Variants in CCDC63 observed in about 807,000 individuals in gnomAD.
CCDC63 encodes the protein coiled-coil domain-containing protein 63.
In CCDC63, 54 loss-of-function variants were observed where a neutral mutation model predicts 63.6. The observed-to-expected ratio is 0.85, with a 90% CI of 0.68 to 1.07. The LOEUF (loss-of-function observed/expected upper bound fraction) is 1.07, where lower values mean the gene tolerates loss of function less well. Among genes scored for constraint, CCDC63 ranks in the 50% least tolerant of loss-of-function variants. CCDC63 has a pLI of 0.00. For missense variants in CCDC63, 637 were observed against 689.6 expected (o/e 0.92, Z 0.86); for synonymous variants, 253 against 266.1 (o/e 0.95, Z 0.48).
chr12:110,883,860 G>A (rs59118783), intron 7 of CCDC63, among the ~76,000 whole-genome samples, 170 bp from the exon 8 acceptor site: 2,514 of 152,134 alleles, frequency 0.017, 75 homozygotes, highest in African/African-American at 0.057. Context: ...GGCTGGTCTC[G>A]AACTCCTGAC....
intron 8 of CCDC63, among the ~76,000 whole-genome samples, chr12:110,892,873 G>A (rs2071374279): frequency 1.3e-5 from 2 of 151,322 alleles, no homozygotes; most frequent in South Asian, 4.2e-4. Context: ...CCCCTTTCAT[G>A]CTCTCACCCT....
At chr12:110,846,262 A>C (rs2070636170), upstream of CCDC63, among the ~76,000 whole-genome samples, 1 of 152,222 alleles carries the variant, frequency 6.6e-6, no homozygotes, top group Non-Finnish European at 1.5e-5. Context: ...AGGTACCCCC[A>C]ATAATTTTCC....
intron 8 of CCDC63, among the ~76,000 whole-genome samples, chr12:110,886,787 G>A (rs978216879): frequency 6.6e-6 from 1 of 152,150 alleles, no homozygotes; most frequent in Admixed American, 6.5e-5. Flanking sequence ...GCACCCGGGG[G>A]TGGGGAAGAC....
Position 110,852,876 on chromosome 12 carries a change from G to C in CCDC63, c.-79G>C, listed in dbSNP as rs2070722512. On this transcript the variant is annotated 5_prime_UTR_variant, in exon 2 of 12. Transcript: ENST00000308208. The stretch of plus-strand genomic sequence containing the variant: ...ATGAACAGGGCATTGCAGAGAGACA[G>C]AGAGAGAGAGGAAGGCTCACTGGCT... 1.3e-6 allele frequency: 2 copies of C among 1,494,076 alleles called. No individual in the cohort carries two copies. Among genetic ancestry groups the C allele is most frequent in the African/African-American group, 2.8e-5 (2 of 72,200 alleles). The allele number at this position is 1,494,076 out of a possible 1,614,324, so 92.6% of individuals were successfully genotyped here.
At chr12:110,853,365 T>TGGCCCACTACGGC in intron 2 of CCDC63, 40 bp from the exon 3 acceptor site, 2 of 1,584,032 alleles carry the variant, frequency 1.3e-6, no homozygotes, top group South Asian at 2.3e-5. Context: ...TCTAGCCACC[T>TGGCCCACTACGGC]GGCCCACTAC....
chr12:110,905,446 G>A (rs1196206323), intron 11 of CCDC63, among the ~76,000 whole-genome samples: 2 of 152,074 alleles, frequency 1.3e-5, no homozygotes, highest in Non-Finnish European at 2.9e-5. Context: ...CTGCTTTTTG[G>A]AGAGCAGTTT....
rs1009373591 is a variant in CCDC63 at position 110,857,833 on chromosome 12, A to C, written c.180-753A>C. Among the ~76,000 whole-genome samples, 4 of 152,234 alleles carry C rather than the reference A, an allele frequency of 2.6e-5. No individual in the cohort carries two copies. In the South Asian group the frequency reaches 8.3e-4, roughly 32 times the overall value. ...CTTGAAAAATCCTGCCTGGCCAGGCACGGTGGCTCATGTCTGTAATCTCAG... is the reference window on the plus strand; with the variant it reads ...CTTGAAAAATCCTGCCTGGCCAGGCCCGGTGGCTCATGTCTGTAATCTCAG... On this transcript the variant is annotated intron_variant, in intron 3 of 11. Coordinates refer to ENST00000308208, the MANE Select transcript of CCDC63 (RefSeq NM_152591.3).
chr12:110,877,767 G>A lies in CCDC63; in HGVS notation c.490-2139G>A, dbSNP rs561042068. 7.4e-5 allele frequency among the ~76,000 whole-genome samples: 11 copies of A among 148,428 alleles called. No homozygotes were observed. The South Asian group carries it at 8.5e-4, about 11-fold the overall frequency. ...GTCACCCAGGCTAGGGTGCAGTGGC[G>A]TAATCTCGGCTCACTTCAACCTCTG... On this transcript the variant is annotated intron_variant, in intron 5 of 11. Transcript: ENST00000308208.
At chr12:110,853,893 TTCTC>T (rs1183828404) in intron 3 of CCDC63, among the ~76,000 whole-genome samples, 2 of 152,142 alleles carry the variant, frequency 1.3e-5, no homozygotes, top group East Asian at 3.9e-4. Context: ...ATGACTTCTG[TTCTC>T]TCTCTCTCTG....
At chr12:110,892,527 C>T (rs1386626376) in intron 8 of CCDC63, among the ~76,000 whole-genome samples, 1 of 152,182 alleles carries the variant, frequency 6.6e-6, no homozygotes, top group Non-Finnish European at 1.5e-5. Context: ...TAGGACATTA[C>T]CATCAGAACA....
At position 110,870,116 on chromosome 12, in the gene CCDC63, C is replaced by T. The variant is rs528032536; in HGVS notation, c.370-3726C>T. ...TCTTTTTTTGAGATGGAGTTTTGCT[C>T]TTGTCGCCCAGGCTGGAGTGCAATG... On this transcript the variant is annotated intron_variant, in intron 4 of 11. Transcript: ENST00000308208. 7.9e-5 allele frequency among the ~76,000 whole-genome samples: 12 copies of T among 152,258 alleles called. 1 individual carries two copies. The highest frequency in any genetic ancestry group is 3.4e-3 in the Middle Eastern group (1 of 294).
At chr12:110,885,535 C>T (rs2071268593) in intron 8 of CCDC63, among the ~76,000 whole-genome samples, 1 of 152,204 alleles carries the variant, frequency 6.6e-6, no homozygotes, top group South Asian at 2.1e-4. Context: ...AGACACAGGT[C>T]CTGTTATGAC....
chr12:110,899,494 A>AT (rs982769796), intron 10 of CCDC63, among the ~76,000 whole-genome samples: 1 of 151,672 alleles, frequency 6.6e-6, no homozygotes, highest in African/African-American at 2.4e-5. Context: ...GATTTTTTGT[A>AT]TTTTTTGTAG....
chr12:110,903,812 C>A (rs1252925403), intron 10 of CCDC63, among the ~76,000 whole-genome samples: 1 of 150,052 alleles, frequency 6.7e-6, no homozygotes, highest in African/African-American at 2.5e-5. Context: ...GGCATTCTGG[C>A]AGAAGGAACA....
At chr12:110,893,644 C>A (rs1264276530) in intron 9 of CCDC63, among the ~76,000 whole-genome samples, 1 of 152,186 alleles carries the variant, frequency 6.6e-6, no homozygotes, top group Non-Finnish European at 1.5e-5. Flanking sequence ...CGTCGTTTTA[C>A]AGATGCAGAG....
chr12:110,873,875 A>G lies in CCDC63; in HGVS notation c.403A>G (p.Lys135Glu). The change falls in exon 5 of 12, where the codon AAA becomes GAA. Residue 135 changes from lysine to glutamate, a missense_variant. Lys to Glu is a moderately conservative substitution (Grantham distance 56, BLOSUM62 1). Transcript: ENST00000308208. ...LQMEKKIANQ[K>E]QIFAKMQEAN... Reference sequence around the variant, plus strand: ...GATGGAAAAAAAAATCGCAAACCAAAAACAGATTTTCGCAAAAATGCAGGA... The same window carrying G: ...GATGGAAAAAAAAATCGCAAACCAAGAACAGATTTTCGCAAAAATGCAGGA... 1 of 1,613,014 alleles carries G rather than the reference A, an allele frequency of 6.2e-7. No homozygotes were observed. Among genetic ancestry groups the G allele is most frequent in the Non-Finnish European group, 8.5e-7 (1 of 1,179,764 alleles).
At position 110,858,611 on chromosome 12, in the gene CCDC63, G is replaced by C; in HGVS notation, c.205G>C (p.Glu69Gln). 1 of 1,613,558 alleles carries C rather than the reference G, an allele frequency of 6.2e-7. No individual in the cohort carries two copies. Among genetic ancestry groups the C allele is most frequent in the Non-Finnish European group, 8.5e-7 (1 of 1,179,750 alleles). Residue 69 changes from glutamate to glutamine, a missense_variant, in exon 4 of 12, where the codon GAG becomes CAG. Physicochemically the swap from Glu to Gln is conservative, Grantham distance 29. Coordinates refer to ENST00000308208, the MANE Select transcript of CCDC63 (RefSeq NM_152591.3). The part of the protein sequence containing the change: ...QYKEIKTLKT[E>Q]QDEITLLLSL... ...CAAGGAGATCAAGACCCTGAAGACA[G>C]AGCAGGATGAGATCACCCTACTGTT...
chr12:110,872,347 T>C (rs901066072), intron 4 of CCDC63, among the ~76,000 whole-genome samples: 2 of 152,208 alleles, frequency 1.3e-5, no homozygotes, highest in Non-Finnish European at 2.9e-5. Flanking sequence ...ACCCCTGGCC[T>C]AAAAACTGCA....
At chr12:110,876,379 C>T (rs1241149286) in intron 5 of CCDC63, among the ~76,000 whole-genome samples, 1 of 152,122 alleles carries the variant, frequency 6.6e-6, no homozygotes, top group Non-Finnish European at 1.5e-5. Context: ...CTCCCAGGGA[C>T]TCCCCTACCT....
Sources: allele counts gnomAD v4.1 joint callset (sites outside exome capture counted in the v4.1 genomes callset), GRCh38; gene constraint gnomAD v4.1.1; transcripts MANE v1.5; gene names NCBI Gene and HGNC (gene_info 2026-07-23, HGNC 2026-07-21).